Variants in CIB4 observed in about 807,000 individuals in gnomAD.
CIB4 encodes calcium and integrin binding family member 4, also known as calcium and integrin-binding family member 4.
Under a neutral mutation model 25.8 loss-of-function variants are expected in CIB4, and 25 were observed. That is an observed-to-expected ratio of 0.97 (90% confidence interval 0.71 to 1.35). The LOEUF (loss-of-function observed/expected upper bound fraction) is 1.35. Ranked by LOEUF, CIB4 falls within the 40% of genes most tolerant of loss-of-function variation. The probability of loss-of-function intolerance (pLI) is 0.00; values close to 1 mark genes in which losing one functional copy is unlikely to be tolerated. For missense variants in CIB4, 235 were observed against 228.2 expected, an observed-to-expected ratio of 1.03 and a Z score of -0.19; for synonymous variants, 75 against 81.4, an observed-to-expected ratio of 0.92 and a Z score of 0.42.
intron 6 of CIB4, among the ~76,000 whole-genome samples, chr2:26,582,217 G>C (rs1032240191): frequency 6.6e-6 from 1 of 152,180 alleles, no homozygotes. Context: ...CCAGGAGCAG[G>C]AGACGCCAGC....
intron 3 of CIB4, among the ~76,000 whole-genome samples, chr2:26,617,030 C>A (rs1269636976): frequency 6.6e-6 from 1 of 152,096 alleles, no homozygotes; most frequent in Non-Finnish European, 1.5e-5. Flanking sequence ...TCACTCCCAG[C>A]CTCCCCCACT....
Position 26,629,446 on chromosome 2 carries a change from G to A in CIB4, c.150C>T (p.Leu50=), listed in dbSNP as rs756165453. Reference sequence around the variant, plus strand: ...GCAGGGAGCTGACCTGGTCCATGGTGAGCGTTGCCTCCTTGTAGTACTTCC... The same window carrying A: ...GCAGGGAGCTGACCTGGTCCATGGTAAGCGTTGCCTCCTTGTAGTACTTCC... The part of the protein sequence containing the change: ...PPGKYYKEAT[L]TMDQVSSLPA... The change falls in exon 3 of 7, where the codon CTC becomes CTT. Residue 50 remains leucine (L), a synonymous_variant. Coordinates refer to ENST00000288861, the MANE Select transcript of CIB4 (RefSeq NM_001029881.3). 4 of 1,582,688 alleles carry A rather than the reference G, an allele frequency of 2.5e-6. No homozygotes were observed. The highest frequency in any genetic ancestry group is 3.4e-6 in the Non-Finnish European group (4 of 1,164,058).
chr2:26,584,415 AG>A (rs1668411374), intron 4 of CIB4, among the ~76,000 whole-genome samples: 1 of 152,208 alleles, frequency 6.6e-6, no homozygotes, highest in Non-Finnish European at 1.5e-5. Flanking sequence ...CCTGGATCCC[AG>A]TCCCTGCTCC....
intron 3 of CIB4, among the ~76,000 whole-genome samples, chr2:26,628,470 G>A (rs543288645): frequency 3.9e-5 from 6 of 152,248 alleles, no homozygotes; most frequent in South Asian, 4.2e-4. Flanking sequence ...GTGTGTTTGT[G>A]GGGGGTGGGA....
intron 3 of CIB4, among the ~76,000 whole-genome samples, chr2:26,628,953 G>T (rs1449525917): frequency 1.3e-5 from 2 of 152,180 alleles, no homozygotes; most frequent in African/African-American, 4.8e-5. Context: ...GAAACTGGCT[G>T]GTGTGGGGTC....
chr2:26,631,021 C>T (rs1270878235), intron 2 of CIB4, among the ~76,000 whole-genome samples: 2 of 152,176 alleles, frequency 1.3e-5, no homozygotes, highest in Non-Finnish European at 2.9e-5. Context: ...TCCTGTTCCT[C>T]TCCTGTCTTC....
chr2:26,607,672 C>T (rs1014917143), intron 3 of CIB4, among the ~76,000 whole-genome samples: 1 of 152,296 alleles, frequency 6.6e-6, no homozygotes, highest in Non-Finnish European at 1.5e-5. Context: ...TAAACATTTG[C>T]TACCATGAAT....
At chr2:26,633,308 CT>C (rs1669468783) in intron 2 of CIB4, among the ~76,000 whole-genome samples, 1 of 152,350 alleles carries the variant, frequency 6.6e-6, no homozygotes, top group East Asian at 1.9e-4. Context: ...CCCAACAACT[CT>C]CTGTGGGAGA....
At chr2:26,640,690 A>C in intron 1 of CIB4, 123 bp from the exon 2 acceptor site, 1 of 1,042,318 alleles carries the variant, frequency 9.6e-7, no homozygotes, top group Non-Finnish European at 1.4e-6. Flanking sequence ...AGCTGGGGGA[A>C]CCCCAGGTTG....
rs759514741 is a variant in CIB4 at position 26,583,882 on chromosome 2, G to A, written c.345C>T (p.Gly115=). 2.5e-6 allele frequency: 4 copies of A among 1,610,926 alleles called. No individual in the cohort carries two copies. Among genetic ancestry groups the A allele is most frequent in the Admixed American group, 1.7e-5 (1 of 60,002 alleles). The change falls in exon 5 of 7, where the codon GGC becomes GGT. Residue 115 remains glycine (G), a synonymous_variant. Coordinates refer to ENST00000288861, the MANE Select transcript of CIB4 (RefSeq NM_001029881.3). ...TCTGCAGATCCTCCTCATCAATGAA[G>A]CCATTCTCATTAAAATCTGCAAAGA... The part of the protein sequence containing the change: ...AFRIYDFNEN[G]FIDEEDLQRI...
rs771768426 is a variant in CIB4 at position 26,583,785 on chromosome 2, A to G, written c.438+4T>C. ...GCCACCAACTCCCAGCCCCCAGCAC[A>G]CACGTGGTTCGTGAGGTCCATCAGG... On this transcript the variant is annotated splice_donor_region_variant and intron_variant, in intron 5 of 6. Coordinates refer to ENST00000288861, the MANE Select transcript of CIB4 (RefSeq NM_001029881.3). 6 of 1,589,636 alleles carry G rather than the reference A, an allele frequency of 3.8e-6. No homozygotes were observed. In the Admixed American group the frequency reaches 6.7e-5, roughly 18 times the overall value.
At chr2:26,623,326 G>A (rs1422492868) in intron 3 of CIB4, 1 of 193,036 alleles carries the variant, frequency 5.2e-6, no homozygotes, top group African/African-American at 2.4e-5. Context: ...CTGGGCAACA[G>A]AGTGAGACCC....
chr2:26,600,326 C>G (rs953904691), intron 3 of CIB4, among the ~76,000 whole-genome samples: 3 of 152,076 alleles, frequency 2.0e-5, no homozygotes, highest in African/African-American at 7.2e-5. Context: ...ATTGCTTGAA[C>G]TCGGGAGGCA....
At chr2:26,620,670 A>T (rs1159021015) in intron 3 of CIB4, among the ~76,000 whole-genome samples, 8 of 152,192 alleles carry the variant, frequency 5.3e-5, no homozygotes, top group African/African-American at 1.9e-4. Flanking sequence ...CTCCCAGTTG[A>T]TAAATCCCAC....
intron 3 of CIB4, among the ~76,000 whole-genome samples, chr2:26,626,456 A>AC (rs1669307967): frequency 6.6e-6 from 1 of 152,138 alleles, no homozygotes; most frequent in African/African-American, 2.4e-5. Context: ...ATCTGCATAG[A>AC]AAAAAAGTCT....
At chr2:26,617,458 C>T (rs1669116180) in intron 3 of CIB4, among the ~76,000 whole-genome samples, 1 of 152,188 alleles carries the variant, frequency 6.6e-6, no homozygotes, top group Non-Finnish European at 1.5e-5. Flanking sequence ...GCCTCAGTTT[C>T]CTCATCTGTA....
intron 4 of CIB4, among the ~76,000 whole-genome samples, chr2:26,592,213 G>A (rs1456947601): frequency 6.6e-6 from 1 of 152,242 alleles, no homozygotes; most frequent in Non-Finnish European, 1.5e-5. Flanking sequence ...GCAAGCCTGG[G>A]CTGGCATCTT....
At chr2:26,632,576 G>T (rs1669441620) in intron 2 of CIB4, among the ~76,000 whole-genome samples, 1 of 152,004 alleles carries the variant, frequency 6.6e-6, no homozygotes, top group Admixed American at 6.6e-5. Context: ...GGCCAACATG[G>T]TGAAACACCA....
chr2:26,602,849 C>G (rs1668819089), intron 3 of CIB4, among the ~76,000 whole-genome samples: 2 of 152,158 alleles, frequency 1.3e-5, no homozygotes, highest in Admixed American at 6.5e-5. Flanking sequence ...CACTTGAGGA[C>G]AGGCATTCGA....
Sources: allele counts gnomAD v4.1 joint callset (sites outside exome capture counted in the v4.1 genomes callset), GRCh38; gene constraint gnomAD v4.1.1; transcripts MANE v1.5; gene names NCBI Gene and HGNC (gene_info 2026-07-23, HGNC 2026-07-21).